RNF213: variants seen among roughly 807,000 people sequenced by gnomAD.
The protein encoded by RNF213 is ring finger protein 213.
RNF213 carries 341 observed loss-of-function variants against 514.4 expected under a neutral mutation model. The ratio of observed to expected loss-of-function variants is 0.66; its 90% CI spans 0.61 to 0.73. The LOEUF (loss-of-function observed/expected upper bound fraction) is 0.73. Ranked by LOEUF, RNF213 falls within the 30% of genes least tolerant of loss-of-function variation. The pLI, the probability that RNF213 is intolerant of heterozygous loss-of-function variation, is 0.00. For missense variants in RNF213, 5,767 were observed against 6,615.6 expected, an observed-to-expected ratio of 0.87 and a Z score of 4.45; for synonymous variants, 2,655 against 2,658.2, an observed-to-expected ratio of 1.00 and a Z score of 0.04.
At position 80,289,592 on chromosome 17, in the gene RNF213, GAAAAAA is replaced by G; in HGVS notation, c.934-56_934-51del. 4.6e-6 allele frequency: 6 copies of G among 1,308,420 alleles called. No homozygotes were observed. In the South Asian group the frequency reaches 7.8e-5, roughly 17 times the overall value. 81.1% of individuals were successfully genotyped at this position (1,308,420 alleles called of 1,614,324 possible). On this transcript the variant is annotated intron_variant, in intron 5 of 67. Transcript: ENST00000582970. ...GTAATAAGAGCGAGACTCTGTCTCAGAAAAAAAAAAAAAAAAGAAAATGTGGAGGCC... is the reference window on the plus strand; with the variant it reads ...GTAATAAGAGCGAGACTCTGTCTCAGAAAAAAAAAAGAAAATGTGGAGGCC...
At chr17:80,324,732 C>CA (rs576560662) in intron 17 of RNF213, among the ~76,000 whole-genome samples, 19 of 148,170 alleles carry the variant, frequency 1.3e-4, no homozygotes, top group South Asian at 4.3e-4. Flanking sequence ...TATGAAAGTC[C>CA]AAAAAAAAAT....
At chr17:80,364,361 C>G (rs190870623) in intron 41 of RNF213, 72 bp from the exon 42 acceptor site, 23 of 1,610,138 alleles carry the variant, frequency 1.4e-5, no homozygotes, top group Non-Finnish European at 1.9e-5. Flanking sequence ...TCTCCCGTCT[C>G]CCTCCTCGTT....
chr17:80,275,201 T>G (rs1333103945), intron 3 of RNF213, among the ~76,000 whole-genome samples: 1 of 150,012 alleles, frequency 6.7e-6, no homozygotes, highest in Non-Finnish European at 1.5e-5. Context: ...TGTGTGGGAG[T>G]GGGGTGTGTG....
In RNF213 at chr17:80,343,063, C is replaced by A. The variant is rs1568098307; in HGVS notation, c.5990-69C>A. The A allele has an allele frequency of 1.5e-6, 2 of 1,345,660 alleles. No individual in the cohort carries two copies. The highest frequency in any genetic ancestry group is 4.6e-5 in the East Asian group (2 of 43,208). The allele number at this position is 1,345,660 out of a possible 1,614,324, so 83.4% of individuals were successfully genotyped here. A position where few individuals can be genotyped will look rare whatever the true frequency, so the allele number is the denominator to read the frequency against. On this transcript the variant is annotated intron_variant, in intron 26 of 67. Transcript: ENST00000582970. The surrounding 1 kb of genome is among the most constrained non-coding windows in gnomAD (Gnocchi z 4.3). Reference sequence around the variant, plus strand: ...CCTCAAGTGATCCCCCCGCCTCGGCCTCCCAAAGTGCTAGGATTACAGGTG... The same window carrying A: ...CCTCAAGTGATCCCCCCGCCTCGGCATCCCAAAGTGCTAGGATTACAGGTG...
intron 3 of RNF213, among the ~76,000 whole-genome samples, chr17:80,275,637 T>A (rs1452246221): frequency 6.6e-6 from 1 of 152,144 alleles, no homozygotes; most frequent in East Asian, 1.9e-4. Flanking sequence ...CTACAGAGAC[T>A]GAGAGAGTAT....
chr17:80,327,991 T>C lies in RNF213; in HGVS notation c.3367+2T>C. 2.0e-6 allele frequency: 3 copies of C among 1,537,256 alleles called. No individual in the cohort carries two copies. The highest frequency in any genetic ancestry group is 8.7e-7 in the Non-Finnish European group (1 of 1,146,898). ...AGTTTCTTGACATCTGGCAACTGAG[T>C]AAGCATCGAGTCGATACGCACTTCA... On this transcript the variant is annotated splice_donor_variant, in intron 19 of 67. Coordinates refer to ENST00000582970, the MANE Select transcript of RNF213 (RefSeq NM_001256071.3). LOFTEE classifies it high-confidence loss of function.
intron 11 of RNF213, among the ~76,000 whole-genome samples, chr17:80,303,020 C>G (rs1041255869): frequency 5.3e-5 from 8 of 152,226 alleles, no homozygotes; most frequent in African/African-American, 1.4e-4. Context: ...TATTAATGTG[C>G]TAGAATGTAT....
At position 80,263,861 on chromosome 17, in the gene RNF213, C is replaced by A; in HGVS notation, c.97+83C>A. 2 of 1,235,504 alleles carry A rather than the reference C, an allele frequency of 1.6e-6. No individual in the cohort carries two copies. The highest frequency in any genetic ancestry group is 2.4e-6 in the Non-Finnish European group (2 of 842,410). The allele number at this position is 1,235,504 out of a possible 1,614,324, so 76.5% of individuals were successfully genotyped here. Reference sequence around the variant, plus strand: ...ACCTCCCTTCCAGGAAATGGAAACCCTGGGCAGCAGGCAGCTCAGGTGGGG... The same window carrying A: ...ACCTCCCTTCCAGGAAATGGAAACCATGGGCAGCAGGCAGCTCAGGTGGGG... On this transcript the variant is annotated intron_variant, in intron 2 of 67. Coordinates refer to ENST00000582970, the MANE Select transcript of RNF213 (RefSeq NM_001256071.3). This position sits in a 1 kb window ranked among gnomAD's most constrained non-coding sequence, Gnocchi z 4.9.
At position 80,288,831 on chromosome 17, in the gene RNF213, C is replaced by T. The variant is rs2143243077; in HGVS notation, c.933+76C>T. The T allele has an allele frequency of 6.2e-7, 1 of 1,606,876 alleles. No individual in the cohort carries two copies. The highest frequency in any genetic ancestry group is 8.5e-7 in the Non-Finnish European group (1 of 1,175,612). ...GCTGCGCCTCTTTCATTTAATTATT[C>T]AGCAAATATTTAAGTGCTGGGGATA... On this transcript the variant is annotated intron_variant, in intron 5 of 67. Transcript: ENST00000582970. The surrounding 1 kb of genome is among the most constrained non-coding windows in gnomAD (Gnocchi z 4.9).
intron 17 of RNF213, 144 bp downstream of exon 17, chr17:80,319,456 C>T (rs376851529): frequency 2.1e-5 from 34 of 1,614,088 alleles, no homozygotes; most frequent in Non-Finnish European, 2.7e-5. Context: ...CCTCCCTCGC[C>T]AAGGGCAATG....
intron 56 of RNF213, 158 bp downstream of exon 56, chr17:80,381,145 C>G: frequency 1.2e-6 from 1 of 815,022 alleles, no homozygotes; most frequent in Non-Finnish European, 2.1e-6. Context: ...CATGTTTCCC[C>G]CTGTGGCGTA....
chr17:80,379,054 CATGCGTGCATGCGTGT>C (rs1199696161), intron 54 of RNF213, among the ~76,000 whole-genome samples: 1 of 145,040 alleles, frequency 6.9e-6, no homozygotes, highest in Non-Finnish European at 1.5e-5. Flanking sequence ...TGCATGCGTG[CATGCGTGCATGCGTGT>C]GGTCCCAGCT....
rs2044560756 is a variant in RNF213 at position 80,288,559 on chromosome 17, G to T, written c.811-74G>T. 1 of 1,613,134 alleles carries T rather than the reference G, an allele frequency of 6.2e-7. No homozygotes were observed. Among genetic ancestry groups the T allele is most frequent in the East Asian group, 2.2e-5 (1 of 44,896 alleles). ...TGTCCCTCGGCTTGTGGCAGATGCT[G>T]CCCCTTAAACCATTGAGTCGGAGTC... On this transcript the variant is annotated intron_variant, in intron 4 of 67. Coordinates refer to ENST00000582970, the MANE Select transcript of RNF213 (RefSeq NM_001256071.3). The surrounding 1 kb of genome is among the most constrained non-coding windows in gnomAD (Gnocchi z 4.9).
rs1223358033 is a variant in RNF213 at position 80,293,950 on chromosome 17, G to A, written c.1472-770G>A. On this transcript the variant is annotated intron_variant, in intron 8 of 67. Transcript: ENST00000582970. ...CTGCTGGGCCCAGGGTGCAGAGCTG[G>A]GGTGGGCGGGCCTGCCAGTCTAGAC... 2.0e-5 allele frequency among the ~76,000 whole-genome samples: 3 copies of A among 152,304 alleles called. No homozygotes were observed. The East Asian group carries it at 5.8e-4, about 29-fold the overall frequency.
chr17:80,285,674 C>CTTT lies in RNF213; in HGVS notation c.262-2131_262-2129dup, dbSNP rs1201335107. On this transcript the variant is annotated intron_variant, in intron 3 of 67. Transcript: ENST00000582970. ...TCTTCTGCAGCTGCTTCTGCAGTTG[C>CTTT]TTTTTTTTTTTTGTGAGATGGAGTC... Among the ~76,000 whole-genome samples the CTTT allele has an allele frequency of 1.1e-3, 156 of 146,668 alleles. 1 individual carries two copies. Among genetic ancestry groups the CTTT allele is most frequent in the Admixed American group, 3.0e-3 (44 of 14,744 alleles).
chr17:80,356,097 G>A (rs1599111300), intron 36 of RNF213, among the ~76,000 whole-genome samples: 2 of 151,968 alleles, frequency 1.3e-5, no homozygotes, highest in African/African-American at 4.8e-5. Flanking sequence ...CACCTCCTGG[G>A]TTCAAGCGAT....
intron 67 of RNF213, among the ~76,000 whole-genome samples, chr17:80,392,218 C>T (rs1005308581): frequency 6.6e-6 from 1 of 152,312 alleles, no homozygotes; most frequent in African/African-American, 2.4e-5. Context: ...TATCTTCCTC[C>T]ATTATGCTAT....
chr17:80,376,382 G>C lies in RNF213; in HGVS notation c.13267G>C (p.Val4423Leu). The C allele has an allele frequency of 4.3e-6, 7 of 1,614,174 alleles. No individual in the cohort carries two copies. Among genetic ancestry groups the C allele is most frequent in the African/African-American group, 1.3e-5 (1 of 75,044 alleles). ...PDISRFATSL[V>L]DNSVPLLRAG... ...TATCAGCCGTTTTGCAACATCGCTC[G>C]TGGACAATTCTGTGCCATTGTTGAG... The change falls in exon 52 of 68, where the codon GTG (valine) becomes CTG (leucine). Residue 4423 changes from valine to leucine, a missense_variant. Physicochemically the swap from Val to Leu is conservative, Grantham distance 32 (BLOSUM62 1). Around this residue, in one of 13 missense-constraint regions of RNF213, gnomAD observed 1,245 missense variants for 1,339.0 expected, o/e 0.93. Transcript: ENST00000582970.
At position 80,353,593 on chromosome 17, in the gene RNF213, T is replaced by G. The variant is rs1051022439; in HGVS notation, c.10505T>G (p.Val3502Gly). Residue 3502 changes from valine to glycine, a missense_variant, in exon 34 of 68, where the codon GTG becomes GGG. Transcript: ENST00000582970. This position sits in a 1 kb window ranked among gnomAD's most constrained non-coding sequence, Gnocchi z 5.0. ...EASTSGEVAEVAEEAMETESS... is the reference protein window; with the variant it reads ...EASTSGEVAEGAEEAMETESS... Reference sequence around the variant, plus strand: ...AGCACATCAGGGGAGGTGGCAGAGGTGGCAGAGGAGGCCATGGAAACAGAA... The same window carrying G: ...AGCACATCAGGGGAGGTGGCAGAGGGGGCAGAGGAGGCCATGGAAACAGAA... 1 of 1,613,558 alleles carries G rather than the reference T, an allele frequency of 6.2e-7. No individual in the cohort carries two copies. The highest frequency in any genetic ancestry group is 1.3e-5 in the African/African-American group (1 of 74,866).
Sources: allele counts gnomAD v4.1 joint callset (sites outside exome capture counted in the v4.1 genomes callset), GRCh38; gene constraint gnomAD v4.1.1; regional missense constraint gnomAD v4.1.1; non-coding constraint Gnocchi (gnomAD v3.1); transcripts MANE v1.5; gene names NCBI Gene and HGNC (gene_info 2026-07-23, HGNC 2026-07-21).